The following HDAC4 variants were observed in gnomAD, a reference collection of about 807,000 sequenced individuals.
The protein encoded by HDAC4 is histone deacetylase 4, also known as histone deacetylase A.
In HDAC4, 16 loss-of-function variants were observed where a neutral mutation model predicts 135.1. The ratio of observed to expected loss-of-function variants is 0.12; its 90% CI spans 0.08 to 0.18. The LOEUF is 0.18. Among genes scored for constraint, HDAC4 ranks in the 10% least tolerant of loss-of-function variants. HDAC4 has a pLI of 1.00. For missense variants in HDAC4, 1,143 were observed against 1,511.8 expected (o/e 0.76, Z 4.05); for synonymous variants, 685 against 653.4 (o/e 1.05, Z -0.74).
intron 2 of HDAC4, among the ~76,000 whole-genome samples, chr2:239,340,396 A>C (rs923297610): frequency 8.5e-5 from 13 of 152,230 alleles, no homozygotes; most frequent in South Asian, 2.1e-4. Context: ...GAGGGGCCCC[A>C]GTGGGGGCAG....
intron 2 of HDAC4, among the ~76,000 whole-genome samples, chr2:239,301,798 A>G (rs1302260312): frequency 6.6e-6 from 1 of 152,134 alleles, no homozygotes; most frequent in Non-Finnish European, 1.5e-5. Context: ...TTCTTTATGA[A>G]AAAAAGTAAG....
chr2:239,119,497 GGCTGAGGGCGCGGGGACCAGAGCTCAGA>G (rs1202012919), intron 12 of HDAC4, among the ~76,000 whole-genome samples: 3 of 151,846 alleles, frequency 2.0e-5, no homozygotes, highest in African/African-American at 7.3e-5. Context: ...CAGAGCTCAG[GGCTGAGGGCGCGGGGACCAGAGCTCAGA>G]GCTGAGGGTG....
At chr2:239,098,968 C>A (rs2037369037) in intron 16 of HDAC4, among the ~76,000 whole-genome samples, 1 of 152,210 alleles carries the variant, frequency 6.6e-6, no homozygotes, top group Non-Finnish European at 1.5e-5. Context: ...GATCAACCTT[C>A]CTGTAAACAA....
At chr2:239,079,395 C>T (rs2035077847) in intron 22 of HDAC4, among the ~76,000 whole-genome samples, 1 of 152,190 alleles carries the variant, frequency 6.6e-6, no homozygotes, top group Non-Finnish European at 1.5e-5. Context: ...ACTGCCGGAG[C>T]AGCCAAGCAG....
At chr2:239,152,051 T>C (rs1180864048) in intron 7 of HDAC4, among the ~76,000 whole-genome samples, 1 of 152,104 alleles carries the variant, frequency 6.6e-6, no homozygotes, top group Non-Finnish European at 1.5e-5. Context: ...AATTTAAGAG[T>C]CATTATAAAA....
chr2:239,316,795 GGGACAGGGTGGAAA>G (rs2053131484), intron 2 of HDAC4, among the ~76,000 whole-genome samples: 1 of 152,212 alleles, frequency 6.6e-6, no homozygotes, highest in African/African-American at 2.4e-5. Context: ...GTAGCTCATG[GGGACAGGGTGGAAA>G]GGACAGGGGA....
intron 2 of HDAC4, among the ~76,000 whole-genome samples, chr2:239,283,942 G>A (rs1233098676): frequency 1.3e-5 from 2 of 152,258 alleles, no homozygotes; most frequent in Non-Finnish European, 2.9e-5. Flanking sequence ...CATTGCTGGG[G>A]GACAGTAGTG....
intron 4 of HDAC4, 131 bp downstream of exon 4, chr2:239,189,702 C>T (rs1024348761): frequency 2.5e-5 from 21 of 836,286 alleles, no homozygotes; most frequent in Admixed American, 1.0e-4. Flanking sequence ...CGTCCCAACG[C>T]AGAAGGCCTC....
intron 22 of HDAC4, among the ~76,000 whole-genome samples, chr2:239,070,417 A>C (rs1204815802): frequency 6.6e-6 from 1 of 152,220 alleles, no homozygotes; most frequent in Admixed American, 6.5e-5. Flanking sequence ...ACACAAAAGA[A>C]CTTATCAGTC....
intron 6 of HDAC4, among the ~76,000 whole-genome samples, chr2:239,158,688 C>T (rs942051952): frequency 2.6e-5 from 4 of 152,024 alleles, no homozygotes; most frequent in Non-Finnish European, 4.4e-5. Flanking sequence ...CCCAGCTCAC[C>T]GCCAGGAGCA....
intron 2 of HDAC4, among the ~76,000 whole-genome samples, chr2:239,252,002 G>A (rs1261942975): frequency 6.6e-6 from 1 of 152,100 alleles, no homozygotes; most frequent in Non-Finnish European, 1.5e-5. Context: ...TGATTTCTTT[G>A]TATTGCATTC....
intron 4 of HDAC4, among the ~76,000 whole-genome samples, chr2:239,186,121 C>T (rs1030419700): frequency 2.6e-5 from 4 of 152,022 alleles, no homozygotes; most frequent in Admixed American, 6.6e-5. Flanking sequence ...AAGCACCATC[C>T]GAGAAGGAGA....
intron 13 of HDAC4, among the ~76,000 whole-genome samples, chr2:239,114,210 C>T (rs1027764575): frequency 6.6e-6 from 1 of 152,224 alleles, no homozygotes; most frequent in Non-Finnish European, 1.5e-5. Context: ...TCTGGCCACA[C>T]AGCTGGCAGT....
intron 19 of HDAC4, among the ~76,000 whole-genome samples, chr2:239,085,146 T>C (rs1290506391): frequency 6.6e-6 from 1 of 151,942 alleles, no homozygotes; most frequent in Non-Finnish European, 1.5e-5. Context: ...ATTTCCCTCA[T>C]CTTCACCTGG....
At chr2:239,175,774 A>G (rs1347258852) in intron 5 of HDAC4, among the ~76,000 whole-genome samples, 3 of 152,266 alleles carry the variant, frequency 2.0e-5, no homozygotes, top group Non-Finnish European at 4.4e-5. Context: ...TGCATCTGGC[A>G]TGCTTTATGG....
At chr2:239,175,388 G>C (rs901933322) in intron 5 of HDAC4, among the ~76,000 whole-genome samples, 2 of 152,232 alleles carry the variant, frequency 1.3e-5, no homozygotes, top group Admixed American at 1.3e-4. Flanking sequence ...CCGTCCTCGT[G>C]CAGAGGAGCC....
chr2:239,127,828 G>A (rs1240871395), intron 11 of HDAC4, among the ~76,000 whole-genome samples: 1 of 152,214 alleles, frequency 6.6e-6, no homozygotes, highest in Non-Finnish European at 1.5e-5. Flanking sequence ...GGCAGCTCCT[G>A]TCCTGTCCCT....
rs533357140 is a variant in HDAC4 at position 239,111,584 on chromosome 2, C to G, written c.1920G>C (p.Ala640=). Residue 640 remains alanine, a synonymous_variant, in exon 14 of 27, where the codon GCG becomes GCC. Coordinates refer to ENST00000543185, the MANE Select transcript of HDAC4 (RefSeq NM_001378414.1). ...GCACAGACACGGGGAAGGTGGCAGA[C>G]GCGGGTGAGGACTGCGCCCGGGACA... ...RPLSRAQSSP[A]SATFPVSVQE... 6.2e-7 allele frequency: 1 copy of G among 1,612,120 alleles called. No homozygotes were observed. The highest frequency in any genetic ancestry group is 2.2e-5 in the East Asian group (1 of 44,862).
At chr2:239,311,897 C>G (rs1352064499) in intron 2 of HDAC4, among the ~76,000 whole-genome samples, 2 of 152,100 alleles carry the variant, frequency 1.3e-5, no homozygotes, top group African/African-American at 4.8e-5. Context: ...CAGCTCTGAG[C>G]AATCTCCTGT....
Sources: gnomAD v4.1 joint callset for allele counts (sites outside exome capture counted in the v4.1 genomes callset) on GRCh38, gnomAD v4.1.1 for gene constraint, MANE v1.5 for transcripts, NCBI Gene and HGNC (gene_info 2026-07-23, HGNC 2026-07-21) for gene names.